Variants in ASPA observed in about 807,000 individuals in gnomAD.
ASPA encodes the protein aspartoacylase.
A neutral mutation model predicts 29.6 loss-of-function variants in ASPA; 25 were observed. That is an observed-to-expected ratio of 0.85 (90% CI 0.62 to 1.18). The LOEUF is 1.18. Ranked by LOEUF, ASPA falls within the 50% of genes most tolerant of loss-of-function variation. The pLI is 0.00. For synonymous variants in ASPA, 131 were observed against 130.3 expected (o/e 1.01, Z -0.04); for missense variants, 333 against 385.7 (o/e 0.86, Z 1.14).
intron 5 of ASPA, among the ~76,000 whole-genome samples, chr17:3,497,313 GCCGAGCCAC>G (rs1434646010): frequency 1.3e-5 from 2 of 152,198 alleles, no homozygotes; most frequent in African/African-American, 4.8e-5. Context: ...ATAGTTCTCA[GCCGAGCCAC>G]CCTGTAAATC....
intron 3 of ASPA, among the ~76,000 whole-genome samples, chr17:3,486,078 G>A (rs1166476923): frequency 6.6e-6 from 1 of 152,004 alleles, no homozygotes; most frequent in Non-Finnish European, 1.5e-5. Context: ...GATTACAGGT[G>A]CCCACCACCA....
intron 3 of ASPA, 112 bp downstream of exon 3, chr17:3,483,704 C>A: frequency 9.4e-7 from 1 of 1,065,896 alleles, no homozygotes; most frequent in Non-Finnish European, 1.4e-6. Context: ...GCTCTGTCAC[C>A]CAGGCTGGAG....
chr17:3,498,894 C>A lies in ASPA; in HGVS notation c.748C>A (p.Gln250Lys). ...TATTTTGATTGTTTCCTGAGAGGAT[C>A]AAGACTGGAAACCACTGCATCCTGG... ...AAIIHPNLQD[Q>K]DWKPLHPGDP... Residue 250 changes from glutamine (Q) to lysine (K), a missense_variant, in exon 6 of 6, where the codon CAA becomes AAA. By Grantham distance (53) the Gln-to-Lys change is moderately conservative. Coordinates refer to ENST00000263080, the MANE Select transcript of ASPA (RefSeq NM_000049.4). The A allele has an allele frequency of 6.3e-7, 1 of 1,575,182 alleles. No homozygotes were observed. The highest frequency in any genetic ancestry group is 2.3e-5 in the East Asian group (1 of 44,368).
intron 3 of ASPA, among the ~76,000 whole-genome samples, chr17:3,487,207 A>G (rs1373735600): frequency 6.6e-6 from 1 of 152,202 alleles, no homozygotes; most frequent in African/African-American, 2.4e-5. Context: ...GGTGCCTACT[A>G]GAAGTTAAAG....
intron 3 of ASPA, among the ~76,000 whole-genome samples, chr17:3,486,822 C>T (rs17762979): frequency 0.068 from 10,338 of 152,042 alleles, 419 homozygotes; most frequent in Middle Eastern, 0.16. Context: ...CTTTATATGC[C>T]ATCTTTGGTG....
chr17:3,493,837 C>G (rs938702793), intron 4 of ASPA, among the ~76,000 whole-genome samples: 1 of 152,124 alleles, frequency 6.6e-6, no homozygotes, highest in African/African-American at 2.4e-5. Context: ...TTTTTCAGTT[C>G]TGTTTTCTAC....
chr17:3,483,641 G>GA, intron 3 of ASPA, 49 bp downstream of exon 3: 4 of 1,474,312 alleles, frequency 2.7e-6, no homozygotes, highest in Non-Finnish European at 3.8e-6. Flanking sequence ...TGTCCTAGCT[G>GA]AAACTCAGAG....
intron 3 of ASPA, among the ~76,000 whole-genome samples, chr17:3,484,447 T>C (rs1186959241): frequency 5.9e-5 from 9 of 152,150 alleles, no homozygotes; most frequent in Non-Finnish European, 1.2e-4. Flanking sequence ...AGGAAAGACC[T>C]AACCCAGTCT....
At position 3,481,742 on chromosome 17, in the gene ASPA, C is replaced by G. The variant is rs761453285; in HGVS notation, c.376C>G (p.Leu126Val). The G allele has an allele frequency of 5.0e-6, 8 of 1,613,324 alleles. No homozygotes were observed. The Admixed American group carries it at 8.3e-5, about 17-fold the overall frequency. The change falls in exon 2 of 6, where the codon CTT becomes GTT. Residue 126 changes from leucine to valine, a missense_variant. Coordinates refer to ENST00000263080, the MANE Select transcript of ASPA (RefSeq NM_000049.4). ...CACCACCTCTAACATGGGGTGCACT[C>G]TTATTCTTGAGGATTCCAGGAATAA... Reference protein sequence around the residue: ...HNTTSNMGCTLILEDSRNNFL... With the variant: ...HNTTSNMGCTVILEDSRNNFL...
chr17:3,493,885 A>G (rs1229839217), intron 4 of ASPA, among the ~76,000 whole-genome samples: 5 of 152,142 alleles, frequency 3.3e-5, no homozygotes, highest in African/African-American at 9.7e-5. Flanking sequence ...GAGTGCTGAT[A>G]GGAATCATTC....
rs139476666 is a variant in ASPA at position 3,487,040 on chromosome 17, TTG to T, written c.527-2179_527-2178del. ...GCTGTGTCCAGTCGCTTTCCCATAT[TTG>T]TGTGTGTGTGTGTGTTTATGTGTGT... On this transcript the variant is annotated intron_variant, in intron 3 of 5. Transcript: ENST00000263080. Among the ~76,000 whole-genome samples the T allele has an allele frequency of 8.1e-5, 12 of 148,856 alleles. No individual in the cohort carries two copies. In the South Asian group the frequency reaches 1.5e-3, roughly 19 times the overall value.
Position 3,494,428 on chromosome 17 carries a change from A to G in ASPA, c.713A>G (p.Glu238Gly). The stretch of plus-strand genomic sequence containing the variant: ...GATTACCCCCGGGATGAAAATGGAG[A>G]AATTGCTGCTATCATCCATCCTAAT... ...KVDYPRDENG[E>G]IAAIIHPNLQ... The change falls in exon 5 of 6, where the codon GAA (glutamate) becomes GGA (glycine). Residue 238 changes from glutamate (E) to glycine (G), a missense_variant. Transcript: ENST00000263080. 1 of 1,611,822 alleles carries G rather than the reference A, an allele frequency of 6.2e-7. No individual in the cohort carries two copies. The highest frequency in any genetic ancestry group is 8.5e-7 in the Non-Finnish European group (1 of 1,177,852).
chr17:3,477,320 A>G (rs2073542842), intron 1 of ASPA, among the ~76,000 whole-genome samples: 1 of 152,228 alleles, frequency 6.6e-6, no homozygotes, highest in Admixed American at 6.5e-5. Flanking sequence ...GATTTGTAAT[A>G]TATTGCATAC....
intron 5 of ASPA, 99 bp downstream of exon 5, chr17:3,494,558 T>G (rs1412640824): frequency 2.0e-6 from 2 of 982,802 alleles, no homozygotes; most frequent in Admixed American, 3.5e-5. Flanking sequence ...ATTCGCCCAT[T>G]TGATGCTCTC....
chr17:3,476,093 A>T lies in ASPA; in HGVS notation c.-67A>T. The stretch of plus-strand genomic sequence containing the variant: ...TCATTTACATTTCTAAACCTTTCTT[A>T]AGAAAATCGAATTTCCTTTGATCTC... On this transcript the variant is annotated 5_prime_UTR_variant, in exon 1 of 6. Coordinates refer to ENST00000263080, the MANE Select transcript of ASPA (RefSeq NM_000049.4). 6.9e-7 allele frequency: 1 copy of T among 1,449,960 alleles called. No homozygotes were observed. The highest frequency in any genetic ancestry group is 1.7e-5 in the Admixed American group (1 of 59,470). The allele number at this position is 1,449,960 out of a possible 1,614,324, so 89.8% of individuals were successfully genotyped here.
In ASPA at chr17:3,500,010, A is replaced by G. The variant is rs2073971053; in HGVS notation, c.*922A>G. 1 of 152,198 alleles carries G rather than the reference A, an allele frequency of 6.6e-6. No homozygotes were observed. The highest frequency in any genetic ancestry group is 1.5e-5 in the Non-Finnish European group (1 of 68,048). The allele number at this position is 152,198 out of a possible 1,614,324, so 9.4% of individuals were successfully genotyped here. A position where few individuals can be genotyped will look rare whatever the true frequency, so the allele number is the denominator to read the frequency against. ...ACACAAATGATAAGAAAGCAAAACA[A>G]CCTTATTGCTGATATGGAGACAGTT... is the stretch of plus-strand genomic sequence containing the variant. On this transcript the variant is annotated 3_prime_UTR_variant, in exon 6 of 6. Coordinates refer to ENST00000263080, the MANE Select transcript of ASPA (RefSeq NM_000049.4).
intron 3 of ASPA, among the ~76,000 whole-genome samples, chr17:3,487,763 G>T (rs2073752562): frequency 6.6e-6 from 1 of 152,196 alleles, no homozygotes; most frequent in African/African-American, 2.4e-5. Flanking sequence ...GAAATGGAGA[G>T]AAATTTACCT....
At chr17:3,477,015 C>T (rs1316366450) in intron 1 of ASPA, among the ~76,000 whole-genome samples, 4 of 152,020 alleles carry the variant, frequency 2.6e-5, no homozygotes, top group African/African-American at 9.7e-5. Context: ...ATTAGCCGGG[C>T]GTAGTGGCGG....
intron 3 of ASPA, among the ~76,000 whole-genome samples, chr17:3,486,604 T>C (rs1168377352): frequency 2.0e-5 from 3 of 152,312 alleles, no homozygotes; most frequent in East Asian, 3.9e-4. Flanking sequence ...GTCCATTCTC[T>C]TTCTTGAGCG....
Sources: allele counts gnomAD v4.1 joint callset (sites outside exome capture counted in the v4.1 genomes callset), GRCh38; gene constraint gnomAD v4.1.1; transcripts MANE v1.5; gene names NCBI Gene and HGNC (gene_info 2026-07-23, HGNC 2026-07-21).